Variants in BNC2 observed in about 807,000 individuals in gnomAD.
The protein encoded by BNC2 is zinc finger protein basonuclin-2.
Under a neutral mutation model 76.3 loss-of-function variants are expected in BNC2, and 20 were observed. The ratio of observed to expected loss-of-function variants is 0.26; its 90% CI spans 0.18 to 0.38. BNC2 has a LOEUF of 0.38. Among genes scored for constraint, BNC2 ranks in the 10% least tolerant of loss-of-function variants. The probability of loss-of-function intolerance (pLI) is 1.00; values close to 1 mark genes in which losing one functional copy is unlikely to be tolerated. For missense variants in BNC2, 1,382 were observed against 1,399.8 expected, an observed-to-expected ratio of 0.99 and a Z score of 0.20; for synonymous variants, 582 against 514.8, an observed-to-expected ratio of 1.13 and a Z score of -1.77.
intron 1 of BNC2, among the ~76,000 whole-genome samples, chr9:16,794,860 G>A (rs1329539506): frequency 6.6e-6 from 1 of 151,694 alleles, no homozygotes; most frequent in African/African-American, 2.4e-5. Context: ...TCCTCAAGAA[G>A]AAGTGTCAGG....
intron 1 of BNC2, among the ~76,000 whole-genome samples, chr9:16,806,324 G>A (rs1280280740): frequency 6.6e-6 from 1 of 152,074 alleles, no homozygotes; most frequent in Non-Finnish European, 1.5e-5. Flanking sequence ...CAGTGATAGT[G>A]CCACTGCACC....
At chr9:16,856,636 G>A (rs1398624386) in intron 1 of BNC2, among the ~76,000 whole-genome samples, 1 of 152,080 alleles carries the variant, frequency 6.6e-6, no homozygotes, top group Non-Finnish European at 1.5e-5. Flanking sequence ...CTCCAGACCT[G>A]GTAGAATTTC....
intron 3 of BNC2, among the ~76,000 whole-genome samples, chr9:16,723,282 A>G (rs1292208681): frequency 6.6e-6 from 1 of 152,152 alleles, no homozygotes; most frequent in Non-Finnish European, 1.5e-5. Context: ...TTCAAAGACC[A>G]TTAACTATCA....
chr9:16,691,682 T>C (rs1048262189), intron 3 of BNC2, among the ~76,000 whole-genome samples: 9 of 151,490 alleles, frequency 5.9e-5, no homozygotes, highest in African/African-American at 2.2e-4. Context: ...GCTAATTTTT[T>C]GTATTTTTAA....
chr9:16,421,370 C>G, intron 6 of BNC2: 1 of 976,928 alleles, frequency 1.0e-6, no homozygotes, highest in Non-Finnish European at 1.4e-6. Flanking sequence ...AGAGAGAAAA[C>G]AAATTCACAT....
At chr9:16,603,534 A>T (rs547974283) in intron 3 of BNC2, among the ~76,000 whole-genome samples, 105 of 152,292 alleles carry the variant, frequency 6.9e-4, no homozygotes, top group African/African-American at 2.3e-3. Context: ...TAATTTTGAG[A>T]CGCTAAACAT....
intron 5 of BNC2, among the ~76,000 whole-genome samples, chr9:16,465,318 C>A (rs1470459964): frequency 6.6e-6 from 1 of 151,846 alleles, no homozygotes; most frequent in East Asian, 1.9e-4. Context: ...CGCCTGTAGT[C>A]CCAGCTACTA....
chr9:16,781,675 A>G (rs1383500604), intron 1 of BNC2, among the ~76,000 whole-genome samples: 1 of 152,236 alleles, frequency 6.6e-6, no homozygotes, highest in Non-Finnish European at 1.5e-5. Flanking sequence ...AGAATTTTTA[A>G]AACAACAAGA....
At chr9:16,837,033 T>C (rs1382430006) in intron 1 of BNC2, among the ~76,000 whole-genome samples, 3 of 152,226 alleles carry the variant, frequency 2.0e-5, no homozygotes, top group Admixed American at 6.5e-5. Flanking sequence ...CCCACTGTCC[T>C]GGTATCTCAG....
intron 5 of BNC2, among the ~76,000 whole-genome samples, chr9:16,496,681 T>C (rs570845695): frequency 7.2e-5 from 11 of 152,380 alleles, no homozygotes; most frequent in African/African-American, 2.6e-4. Context: ...TTACAGTTTA[T>C]ATTTTTTCTT....
chr9:16,504,626 G>C (rs1281446662), intron 5 of BNC2, among the ~76,000 whole-genome samples: 3 of 152,052 alleles, frequency 2.0e-5, no homozygotes, highest in Non-Finnish European at 2.9e-5. Context: ...TAAAAAACTA[G>C]AAATAAATAA....
chr9:16,699,449 ATT>A (rs1227060355), intron 3 of BNC2, among the ~76,000 whole-genome samples: 1 of 152,140 alleles, frequency 6.6e-6, no homozygotes, highest in Admixed American at 6.5e-5. Flanking sequence ...GAAAGAAGAG[ATT>A]TCTCTCCACC....
chr9:16,689,143 C>G (rs4370616), intron 3 of BNC2, among the ~76,000 whole-genome samples: 2 of 135,454 alleles, frequency 1.5e-5, no homozygotes, highest in Admixed American at 7.9e-5. Flanking sequence ...CATACACACA[C>G]TCTTTGTTTA....
chr9:16,491,083 G>A (rs1441499809), intron 5 of BNC2, among the ~76,000 whole-genome samples: 2 of 152,192 alleles, frequency 1.3e-5, no homozygotes, highest in East Asian at 3.9e-4. Context: ...GGTTCCCACA[G>A]GGCATAAAAG....
intron 6 of BNC2, among the ~76,000 whole-genome samples, chr9:16,431,921 C>G (rs1820916916): frequency 6.6e-6 from 1 of 152,174 alleles, no homozygotes. Context: ...CAGTAATGCT[C>G]ACCCACCCAC....
Position 16,870,650 on chromosome 9 carries a change from T to C in BNC2, c.-2A>G, listed in dbSNP as rs1203318903. On this transcript the variant is annotated 5_prime_UTR_variant, in exon 1 of 7. Coordinates refer to ENST00000380672, the MANE Select transcript of BNC2 (RefSeq NM_017637.6). ...AGGAGGGTGGAAACTTCTTACCATC[T>C]CGGCATGCTGGTTGTCAAGTGCAGC... 3.1e-6 allele frequency: 5 copies of C among 1,611,082 alleles called. No individual in the cohort carries two copies. Among genetic ancestry groups the C allele is most frequent in the Admixed American group, 1.7e-5 (1 of 59,860 alleles).
At chr9:16,809,424 G>A (rs551993294) in intron 1 of BNC2, among the ~76,000 whole-genome samples, 2 of 152,122 alleles carry the variant, frequency 1.3e-5, no homozygotes, top group African/African-American at 4.8e-5. Flanking sequence ...TAAGAGCCCT[G>A]GGATGAGGAG....
chr9:16,578,047 T>A (rs936786058), intron 4 of BNC2, among the ~76,000 whole-genome samples: 1 of 152,170 alleles, frequency 6.6e-6, no homozygotes, highest in Non-Finnish European at 1.5e-5. Flanking sequence ...AAAAATTTTT[T>A]TTTGTTTTTT....
chr9:16,533,838 C>T (rs1379181235), intron 5 of BNC2, among the ~76,000 whole-genome samples: 1 of 152,128 alleles, frequency 6.6e-6, no homozygotes, highest in Non-Finnish European at 1.5e-5. Context: ...TTTTATAGGT[C>T]TTCCTATAGC....
Sources: gnomAD v4.1 joint callset for allele counts (sites outside exome capture counted in the v4.1 genomes callset) on GRCh38, gnomAD v4.1.1 for gene constraint, MANE v1.5 for transcripts, NCBI Gene and HGNC (gene_info 2026-07-23, HGNC 2026-07-21) for gene names.